Variants in NRG1 observed in about 807,000 individuals in gnomAD.
The protein encoded by NRG1 is pro-neuregulin-1, membrane-bound isoform.
NRG1 carries 18 observed loss-of-function variants against 63.8 expected under a neutral mutation model. The ratio of observed to expected loss-of-function variants is 0.28; its 90% confidence interval spans 0.19 to 0.42. NRG1 has a LOEUF of 0.42. NRG1 is among the 10% of genes least tolerant of loss of function. The pLI is 1.00. For synonymous variants in NRG1, 302 were observed against 301.3 expected (o/e 1.00, Z -0.02); for missense variants, 762 against 814.7 (o/e 0.94, Z 0.79).
chr8:31,920,589 C>G (rs1055857430), intron 1 of NRG1, among the ~76,000 whole-genome samples: 10 of 152,040 alleles, frequency 6.6e-5, no homozygotes, highest in African/African-American at 2.2e-4. Context: ...TCCTGGGAAG[C>G]CTTATGTTAT....
At chr8:32,518,101 T>G (rs7844425) in intron 1 of NRG1, among the ~76,000 whole-genome samples, 40,377 of 152,034 alleles carry the variant, frequency 0.27, 5,834 homozygotes, top group South Asian at 0.35. Context: ...ATCTCACAAT[T>G]TTTTCCTAGG....
intron 1 of NRG1, among the ~76,000 whole-genome samples, chr8:32,392,941 C>T (rs2129484085): frequency 6.6e-6 from 1 of 152,244 alleles, no homozygotes; most frequent in South Asian, 2.1e-4. Context: ...AGTAACTGCT[C>T]CCATTATGCC....
At chr8:32,501,354 A>G (rs1827829094) in intron 1 of NRG1, among the ~76,000 whole-genome samples, 1 of 152,228 alleles carries the variant, frequency 6.6e-6, no homozygotes, top group Non-Finnish European at 1.5e-5. Context: ...TTATATCCAT[A>G]CAAATATAAC....
At chr8:31,962,353 C>T (rs1805601275) in intron 1 of NRG1, among the ~76,000 whole-genome samples, 1 of 152,104 alleles carries the variant, frequency 6.6e-6, no homozygotes, top group Non-Finnish European at 1.5e-5. Context: ...GGTTGACAAA[C>T]AATCACACAT....
At chr8:32,587,693 G>T (rs1355875509) in intron 1 of NRG1, among the ~76,000 whole-genome samples, 1 of 152,026 alleles carries the variant, frequency 6.6e-6, no homozygotes, top group South Asian at 2.1e-4. Context: ...TCCTACTTTG[G>T]GTTAGGAGAG....
At chr8:31,905,298 A>G (rs562718660) in intron 1 of NRG1, among the ~76,000 whole-genome samples, 1 of 152,298 alleles carries the variant, frequency 6.6e-6, no homozygotes, top group Admixed American at 6.5e-5. Context: ...ATAATTTCTC[A>G]GGTGGCAATA....
chr8:32,608,091 T>TG (rs1425315711), intron 3 of NRG1, among the ~76,000 whole-genome samples: 57 of 118,084 alleles, frequency 4.8e-4, no homozygotes, highest in African/African-American at 1.7e-3. Context: ...AGGTTTTTTT[T>TG]GTTTTTTTTT....
intron 1 of NRG1, among the ~76,000 whole-genome samples, chr8:32,030,926 A>G (rs1201432104): frequency 6.6e-6 from 1 of 152,178 alleles, no homozygotes; most frequent in Non-Finnish European, 1.5e-5. Flanking sequence ...AGCATATAAT[A>G]CTAACAACTC....
intron 1 of NRG1, among the ~76,000 whole-genome samples, chr8:32,398,405 C>A (rs1473074124): frequency 9.8e-6 from 1 of 102,160 alleles, no homozygotes; most frequent in Admixed American, 1.2e-4. Flanking sequence ...TGTATTTCCA[C>A]CCAAATTTTT....
chr8:32,699,758 G>T (rs1479681646), intron 5 of NRG1, among the ~76,000 whole-genome samples: 1 of 152,010 alleles, frequency 6.6e-6, no homozygotes, highest in East Asian at 1.9e-4. Flanking sequence ...TATTACAGAT[G>T]GTTCAAATGT....
chr8:31,721,742 C>T (rs145428843), intron 1 of NRG1, among the ~76,000 whole-genome samples: 6 of 152,198 alleles, frequency 3.9e-5, no homozygotes, highest in Non-Finnish European at 5.9e-5. Flanking sequence ...GTGTGTGAAA[C>T]GCATGTTGCA....
At chr8:32,750,726 A>AG (rs971971681) in intron 7 of NRG1, among the ~76,000 whole-genome samples, 6 of 151,714 alleles carry the variant, frequency 4.0e-5, no homozygotes, top group African/African-American at 1.5e-4. Flanking sequence ...AAAAAAAAAA[A>AG]AAAATCAGGA....
At chr8:32,092,980 A>G (rs2131287961) in intron 1 of NRG1, among the ~76,000 whole-genome samples, 2 of 152,334 alleles carry the variant, frequency 1.3e-5, no homozygotes. Flanking sequence ...TATCTTGGCC[A>G]GTAACCATCA....
chr8:32,716,821 CGTGTGTGT>C (rs67034958), intron 5 of NRG1, among the ~76,000 whole-genome samples: 5 of 149,814 alleles, frequency 3.3e-5, no homozygotes, highest in Admixed American at 6.7e-5. Context: ...TGTGCATGTG[CGTGTGTGT>C]GTGTGTGTGT....
Position 31,701,292 on chromosome 8 carries a change from AGGGTGACTCTGGAGTGCCACT to A in NRG1, c.37+61863_37+61883del, listed in dbSNP as rs1810603257. ...CTTCCTTCCCCTATCACTAAGATCTAGGGTGACTCTGGAGTGCCACTGTGTGAACATTTCTCACTCTTGTGA... is the reference window on the plus strand; with the variant it reads ...CTTCCTTCCCCTATCACTAAGATCTAGTGTGAACATTTCTCACTCTTGTGA... On this transcript the variant is annotated intron_variant, in intron 1 of 10. Coordinates refer to the NRG1 transcript ENST00000519301. Among the ~76,000 whole-genome samples the A allele has an allele frequency of 7.2e-5, 11 of 152,212 alleles. No homozygotes were observed. In the South Asian group the frequency reaches 2.3e-3, roughly 32 times the overall value.
chr8:32,614,932 G>A (rs192559892), intron 4 of NRG1, among the ~76,000 whole-genome samples: 2 of 152,114 alleles, frequency 1.3e-5, no homozygotes, highest in South Asian at 2.1e-4. Context: ...GTATTCCTGG[G>A]TAATTTGTCA....
intron 1 of NRG1, among the ~76,000 whole-genome samples, chr8:32,484,819 G>T (rs993831236): frequency 5.3e-5 from 8 of 152,086 alleles, no homozygotes; most frequent in Non-Finnish European, 7.4e-5. Flanking sequence ...CATGTTTAGA[G>T]AATAATGATG....
chr8:32,336,768 C>G (rs7013878), intron 1 of NRG1, among the ~76,000 whole-genome samples: 2 of 151,896 alleles, frequency 1.3e-5, no homozygotes, highest in Non-Finnish European at 2.9e-5. Context: ...CGCAGCTAAA[C>G]CCAGCTAGTT....
rs16878352 is a variant in NRG1, at chr8:31,847,026, A to G, written c.37+207595A>G. Among the ~76,000 whole-genome samples, 1,372 of 152,264 alleles carry G rather than the reference A, an allele frequency of 9.0e-3. 19 individuals are homozygous for G. Among genetic ancestry groups the G allele is most frequent in the African/African-American group, 0.031 (1,297 of 41,542 alleles). ...TTTTATTCTCCTATGTGATTCCTAG[A>G]TAAGTTCTGCTACCTAAAGGAAAGC... On this transcript the variant is annotated intron_variant, in intron 1 of 10. Coordinates refer to the NRG1 transcript ENST00000519301.
Sources: gnomAD v4.1 joint callset for allele counts (sites outside exome capture counted in the v4.1 genomes callset) on GRCh38, gnomAD v4.1.1 for gene constraint, MANE v1.5 for transcripts, NCBI Gene and HGNC (gene_info 2026-07-23, HGNC 2026-07-21) for gene names.